The following LMX1A variants were observed in gnomAD, a reference collection of about 807,000 sequenced individuals.
LMX1A encodes the protein LIM homeobox transcription factor 1-alpha.
In LMX1A, 15 loss-of-function variants were observed where a neutral mutation model predicts 49.1. The ratio of observed to expected loss-of-function variants is 0.31; its 90% CI spans 0.20 to 0.47. The LOEUF (loss-of-function observed/expected upper bound fraction) is 0.47, where lower values mean the gene tolerates loss of function less well. Ranked by LOEUF, LMX1A falls within the 20% of genes least tolerant of loss-of-function variation. The pLI, the probability that LMX1A is intolerant of heterozygous loss-of-function variation, is 1.00. For synonymous variants in LMX1A, 167 were observed against 185.7 expected (o/e 0.90, Z 0.82); for missense variants, 372 against 475.8 (o/e 0.78, Z 2.03).
intron 3 of LMX1A, among the ~76,000 whole-genome samples, chr1:165,287,969 AGATTGCGTTATTCATT>A (rs1352504375): frequency 6.6e-6 from 1 of 152,220 alleles, no homozygotes; most frequent in African/African-American, 2.4e-5. Flanking sequence ...TTTCAGAGCC[AGATTGCGTTATTCATT>A]AACTTCCTGT....
intron 3 of LMX1A, among the ~76,000 whole-genome samples, chr1:165,317,767 C>T (rs1231565303): frequency 6.6e-6 from 1 of 152,232 alleles, no homozygotes; most frequent in Non-Finnish European, 1.5e-5. Flanking sequence ...AGAGCTCTCA[C>T]CGATCTCACG....
intron 3 of LMX1A, among the ~76,000 whole-genome samples, chr1:165,271,430 TCTC>T (rs1653790134): frequency 6.6e-6 from 1 of 152,194 alleles, no homozygotes; most frequent in South Asian, 2.1e-4. Flanking sequence ...TAAAAATAGT[TCTC>T]CTATTGGTTT....
At chr1:165,305,836 T>C (rs1006889628) in intron 3 of LMX1A, among the ~76,000 whole-genome samples, 1 of 152,182 alleles carries the variant, frequency 6.6e-6, no homozygotes, top group African/African-American at 2.4e-5. Context: ...GCCAATGAGA[T>C]ATGATATGGT....
At chr1:165,230,049 A>G (rs1053925875) in intron 4 of LMX1A, among the ~76,000 whole-genome samples, 14 of 152,224 alleles carry the variant, frequency 9.2e-5, no homozygotes, top group Non-Finnish European at 1.8e-4. Context: ...GGAACTCCAG[A>G]GAGCATTCTC....
chr1:165,298,469 AGGAG>A (rs1473652790), intron 3 of LMX1A, among the ~76,000 whole-genome samples: 1 of 152,244 alleles, frequency 6.6e-6, no homozygotes, highest in Non-Finnish European at 1.5e-5. Context: ...ACACACAGTC[AGGAG>A]GTCCAGGTGC....
chr1:165,236,497 T>G (rs914189939), intron 4 of LMX1A, among the ~76,000 whole-genome samples: 2 of 152,070 alleles, frequency 1.3e-5, no homozygotes, highest in Non-Finnish European at 2.9e-5. Flanking sequence ...TAAACAATAA[T>G]TTCTGTATTG....
rs115585136 is a variant in LMX1A, at chr1:165,334,761, A to T, written c.263+18315T>A. On this transcript the variant is annotated intron_variant, in intron 3 of 8. Coordinates refer to ENST00000342310, the MANE Select transcript of LMX1A (RefSeq NM_177398.4). ...ATAACTGAAGAGGCATTAGTGCAACAAGCTAAGGGAAGAGGTCTCTTTCAG... is the reference window on the plus strand; with the variant it reads ...ATAACTGAAGAGGCATTAGTGCAACTAGCTAAGGGAAGAGGTCTCTTTCAG... 3.6e-3 allele frequency among the ~76,000 whole-genome samples: 553 copies of T among 152,318 alleles called. 5 individuals carry two copies. Among genetic ancestry groups the T allele is most frequent in the African/African-American group, 0.012 (507 of 41,570 alleles).
At chr1:165,300,151 T>C (rs911289314) in intron 3 of LMX1A, among the ~76,000 whole-genome samples, 9 of 152,288 alleles carry the variant, frequency 5.9e-5, no homozygotes, top group African/African-American at 2.2e-4. Context: ...CTCCTTCACC[T>C]GTCCAATTCT....
intron 3 of LMX1A, among the ~76,000 whole-genome samples, chr1:165,284,661 C>A (rs1423269440): frequency 6.6e-6 from 1 of 152,224 alleles, no homozygotes; most frequent in African/African-American, 2.4e-5. Context: ...AACTTTCCTC[C>A]TCTAGTTAAA....
chr1:165,311,154 C>T (rs1213629404), intron 3 of LMX1A, among the ~76,000 whole-genome samples: 1 of 152,170 alleles, frequency 6.6e-6, no homozygotes, highest in East Asian at 1.9e-4. Context: ...CCTTGCTCTT[C>T]CCTAGAAATG....
intron 3 of LMX1A, among the ~76,000 whole-genome samples, chr1:165,306,731 G>C (rs535914870): frequency 6.6e-6 from 1 of 152,288 alleles, no homozygotes; most frequent in South Asian, 2.1e-4. Flanking sequence ...ACAGCCTGTT[G>C]GTGGCACTCA....
intron 3 of LMX1A, among the ~76,000 whole-genome samples, chr1:165,342,306 G>A (rs1656099545): frequency 6.6e-6 from 1 of 152,178 alleles, no homozygotes; most frequent in Non-Finnish European, 1.5e-5. Context: ...ACTTGGAAAG[G>A]GGTTATGCAA....
At chr1:165,222,546 A>G (rs1225543608) in intron 4 of LMX1A, among the ~76,000 whole-genome samples, 1 of 152,216 alleles carries the variant, frequency 6.6e-6, no homozygotes, top group Admixed American at 6.5e-5. Context: ...ACAAAGGGTT[A>G]ATTATCTCTC....
chr1:165,208,084 T>A lies in LMX1A; in HGVS notation c.796A>T (p.Asn266Tyr). The A allele has an allele frequency of 1.9e-6, 3 of 1,614,082 alleles. No individual in the cohort carries two copies. The change falls in exon 7 of 9, where the codon AAC becomes TAC. Residue 266 changes from asparagine to tyrosine, a missense_variant. Physicochemically the swap from Asn to Tyr is moderately radical, Grantham distance 143 (BLOSUM62 -2). Coordinates refer to ENST00000342310, the MANE Select transcript of LMX1A (RefSeq NM_177398.4). ...RQQQQQQDQQ[N>Y]TQRLSSAQTN... ...TTACCAGAGCTCAGCCTCTGGGTGTTCTGCTGATCTTGCTGCTGCTGCTGC... is the reference window on the plus strand; with the variant it reads ...TTACCAGAGCTCAGCCTCTGGGTGTACTGCTGATCTTGCTGCTGCTGCTGC...
chr1:165,248,594 C>T (rs1652943541), intron 4 of LMX1A, among the ~76,000 whole-genome samples: 1 of 152,158 alleles, frequency 6.6e-6, no homozygotes, highest in African/African-American at 2.4e-5. Flanking sequence ...TTCGCCAACC[C>T]TCAAGGCAGT....
chr1:165,353,466 A>C lies in LMX1A; in HGVS notation c.77-204T>G, dbSNP rs376821492. On this transcript the variant is annotated intron_variant, in intron 2 of 8. Coordinates refer to ENST00000342310, the MANE Select transcript of LMX1A (RefSeq NM_177398.4). ...TCTAATAAACGGAGACTATGTGAGA[A>C]GGTTTAATTCCAAGCGGGGGAGGGT... Among the ~76,000 whole-genome samples the C allele has an allele frequency of 9.2e-5, 14 of 152,306 alleles. 1 individual carries two copies. In the South Asian group the frequency reaches 2.9e-3, roughly 32 times the overall value.
At chr1:165,238,799 C>A (rs546304331) in intron 4 of LMX1A, among the ~76,000 whole-genome samples, 20 of 152,174 alleles carry the variant, frequency 1.3e-4, no homozygotes, top group Admixed American at 2.0e-4. Flanking sequence ...TTTTAAATGA[C>A]CAGGCAACAC....
chr1:165,223,913 C>A (rs1366323755), intron 4 of LMX1A, among the ~76,000 whole-genome samples: 1 of 152,064 alleles, frequency 6.6e-6, no homozygotes, highest in Non-Finnish European at 1.5e-5. Context: ...GCTTTGGACT[C>A]AAATATTTTG....
At chr1:165,289,960 A>C (rs1654413841) in intron 3 of LMX1A, among the ~76,000 whole-genome samples, 1 of 152,230 alleles carries the variant, frequency 6.6e-6, no homozygotes. Flanking sequence ...GCACAGGCCC[A>C]TCCTTAGGGA....
Sources: gnomAD v4.1 joint callset for allele counts (sites outside exome capture counted in the v4.1 genomes callset) on GRCh38, gnomAD v4.1.1 for gene constraint, MANE v1.5 for transcripts, NCBI Gene and HGNC (gene_info 2026-07-23, HGNC 2026-07-21) for gene names.